The following TIMM23 variants were observed in gnomAD, a reference collection of about 807,000 sequenced individuals.
TIMM23 encodes the protein mitochondrial import inner membrane translocase subunit Tim23.
A neutral mutation model predicts 30.7 loss-of-function variants in TIMM23; 19 were observed. That is an observed-to-expected ratio of 0.62 (90% CI 0.43 to 0.91). The LOEUF is 0.91. Among genes scored for constraint, TIMM23 ranks in the 40% least tolerant of loss-of-function variants. The probability of loss-of-function intolerance (pLI) is 0.00; values close to 1 mark genes in which losing one functional copy is unlikely to be tolerated. For synonymous variants in TIMM23, 78 were observed against 98.5 expected, an observed-to-expected ratio of 0.79 and a Z score of 1.23; for missense variants, 202 against 269.2, an observed-to-expected ratio of 0.75 and a Z score of 1.75.
intron 1 of TIMM23, among the ~76,000 whole-genome samples, chr10:45,974,825 T>C (rs1837616380): frequency 1.3e-5 from 2 of 152,076 alleles, no homozygotes; most frequent in Non-Finnish European, 1.5e-5. Flanking sequence ...AAATAACTGC[T>C]GAGATACAGA....
intron 2 of TIMM23, among the ~76,000 whole-genome samples, chr10:45,980,498 GTAA>G (rs1203331482): frequency 1.1e-4 from 16 of 151,988 alleles, no homozygotes; most frequent in African/African-American, 3.9e-4. Context: ...ATTGTGTCAA[GTAA>G]TAAATTTTTT....
intron 2 of TIMM23, among the ~76,000 whole-genome samples, chr10:45,980,383 G>A (rs1157442115): frequency 6.6e-6 from 1 of 152,036 alleles, no homozygotes; most frequent in Non-Finnish European, 1.5e-5. Context: ...ACAAGCGTGA[G>A]CTACTGTGCC....
intron 2 of TIMM23, among the ~76,000 whole-genome samples, chr10:45,978,122 C>A (rs1448494402): frequency 2.6e-5 from 4 of 151,924 alleles, no homozygotes; most frequent in African/African-American, 9.7e-5. Context: ...GAGGCTGAGG[C>A]GGGAGGATCA....
intron 4 of TIMM23, among the ~76,000 whole-genome samples, chr10:45,985,089 G>A (rs1217971826): frequency 5.4e-4 from 82 of 151,930 alleles, no homozygotes; most frequent in African/African-American, 1.7e-3. Flanking sequence ...TATATTTAAT[G>A]TGTATTCATT....
At chr10:45,974,044 A>G (rs1342099319) in intron 1 of TIMM23, among the ~76,000 whole-genome samples, 3 of 152,118 alleles carry the variant, frequency 2.0e-5, no homozygotes, top group Non-Finnish European at 4.4e-5. Flanking sequence ...ATATTGTTAA[A>G]TTAATTTGAT....
chr10:45,978,444 T>C (rs1837742636), intron 2 of TIMM23, among the ~76,000 whole-genome samples: 1 of 152,220 alleles, frequency 6.6e-6, no homozygotes, highest in Admixed American at 6.5e-5. Context: ...ATATTTAATT[T>C]TTTTAACTCT....
intron 6 of TIMM23, among the ~76,000 whole-genome samples, chr10:45,993,677 G>C (rs1361899644): frequency 2.0e-5 from 3 of 150,566 alleles, no homozygotes; most frequent in African/African-American, 7.4e-5. Flanking sequence ...ATGAAATGAA[G>C]AGAATAAATG....
chr10:45,988,689 C>T, intron 5 of TIMM23, 48 bp from the exon 6 acceptor site: 2 of 1,513,750 alleles, frequency 1.3e-6, no homozygotes, highest in Admixed American at 1.7e-5. Flanking sequence ...ATCATAATAT[C>T]ACACTTTATC....
intron 6 of TIMM23, among the ~76,000 whole-genome samples, chr10:45,999,962 G>GAAC (rs1838474718): frequency 2.0e-5 from 3 of 152,184 alleles, no homozygotes; most frequent in African/African-American, 7.2e-5. Flanking sequence ...TTTGAAGGAA[G>GAAC]AACAGTATGG....
intron 6 of TIMM23, among the ~76,000 whole-genome samples, chr10:46,002,120 C>G (rs1042977440): frequency 1.3e-5 from 2 of 152,016 alleles, no homozygotes; most frequent in Admixed American, 6.6e-5. Flanking sequence ...GAGATTGATG[C>G]GTCAGTGCAT....
intron 6 of TIMM23, chr10:45,990,597 T>G: frequency 2.7e-6 from 1 of 368,200 alleles, no homozygotes; most frequent in Non-Finnish European, 5.2e-6. Context: ...ATTTTTTTTT[T>G]TCTTTATCGG....
At chr10:45,986,020 AGATC>A (rs1470989223) in intron 5 of TIMM23, among the ~76,000 whole-genome samples, 2 of 152,216 alleles carry the variant, frequency 1.3e-5, no homozygotes, top group African/African-American at 2.4e-5. Flanking sequence ...CACTTACAAT[AGATC>A]TCTTATGGCT....
intron 6 of TIMM23, chr10:46,002,230 C>T (rs1386702552): frequency 6.6e-6 from 1 of 151,980 alleles, no homozygotes; most frequent in Non-Finnish European, 1.5e-5. Context: ...GGCTGGAGTG[C>T]AGTGGTGTAA....
chr10:45,998,644 G>C (rs1047429578), intron 6 of TIMM23, among the ~76,000 whole-genome samples: 1 of 152,106 alleles, frequency 6.6e-6, no homozygotes, highest in Non-Finnish European at 1.5e-5. Flanking sequence ...GGCCACCCTT[G>C]AGTAAAGATG....
intron 6 of TIMM23, among the ~76,000 whole-genome samples, chr10:46,001,356 C>T (rs1373700265): frequency 6.6e-6 from 1 of 152,072 alleles, no homozygotes; most frequent in African/African-American, 2.4e-5. Context: ...TTTGGTCCCC[C>T]TACATGACAG....
intron 2 of TIMM23, among the ~76,000 whole-genome samples, chr10:45,977,591 CTT>C (rs1837712536): frequency 6.6e-6 from 1 of 152,198 alleles, no homozygotes; most frequent in Non-Finnish European, 1.5e-5. Flanking sequence ...CAGTCAAACT[CTT>C]AGAAGAAATC....
At chr10:45,973,328 A>C (rs1837556684) in intron 1 of TIMM23, among the ~76,000 whole-genome samples, 1 of 152,232 alleles carries the variant, frequency 6.6e-6, no homozygotes, top group Admixed American at 6.5e-5. Context: ...AGAGGCATAA[A>C]TATCTTGCCT....
chr10:45,998,381 C>G, intron 6 of TIMM23: 1 of 985,176 alleles, frequency 1.0e-6, no homozygotes, highest in Non-Finnish European at 1.2e-6. Context: ...CATAAGGATC[C>G]CAAAATACAG....
intron 4 of TIMM23, among the ~76,000 whole-genome samples, chr10:45,983,547 C>G (rs1357405697): frequency 3.2e-4 from 48 of 152,162 alleles, no homozygotes; most frequent in Admixed American, 3.9e-4. Context: ...GCCAGTCCCT[C>G]TTGATATTCC....
Sources: allele counts gnomAD v4.1 joint callset (sites outside exome capture counted in the v4.1 genomes callset), GRCh38; gene constraint gnomAD v4.1.1; transcripts MANE v1.5; gene names NCBI Gene and HGNC (gene_info 2026-07-23, HGNC 2026-07-21).